JPH1: variants seen among roughly 807,000 people sequenced by gnomAD.
JPH1 encodes junctophilin 1.
Under a neutral mutation model 53.6 loss-of-function variants are expected in JPH1, and 12 were observed. The ratio of observed to expected loss-of-function variants is 0.22; its 90% CI spans 0.14 to 0.36. The LOEUF is 0.36. Ranked by LOEUF, JPH1 falls within the 10% of genes least tolerant of loss-of-function variation. The pLI is 1.00. For synonymous variants in JPH1, 375 were observed against 363.8 expected, an observed-to-expected ratio of 1.03 and a Z score of -0.35; for missense variants, 808 against 905.5, an observed-to-expected ratio of 0.89 and a Z score of 1.38.
intron 2 of JPH1, among the ~76,000 whole-genome samples, chr8:74,313,377 C>T (rs753384007): frequency 1.6e-4 from 25 of 151,886 alleles, no homozygotes; most frequent in African/African-American, 2.4e-5. Context: ...GAGAGAGAGA[C>T]CCTTCATTAA....
At chr8:74,301,030 C>A (rs1807667036) in intron 2 of JPH1, among the ~76,000 whole-genome samples, 1 of 152,140 alleles carries the variant, frequency 6.6e-6, no homozygotes, top group African/African-American at 2.4e-5. Context: ...ATGAATGAAC[C>A]TTTTTCATTA....
In JPH1 at chr8:74,244,743, G is replaced by A. The variant is rs775579120; in HGVS notation, c.1691C>T (p.Pro564Leu). 4 of 1,614,156 alleles carry A rather than the reference G, an allele frequency of 2.5e-6. No individual in the cohort carries two copies. The highest frequency in any genetic ancestry group is 3.4e-6 in the Non-Finnish European group (4 of 1,180,036). ...TCCATCGCCGTCCTCCACGTCTACT[G>A]GAGGGTGCTGGGGGGCGTTCAGCTT... ...YVKLNAPQHP[P>L]VDVEDGDGSS... Residue 564 changes from proline (P) to leucine (L), a missense_variant, in exon 4 of 6, where the codon CCA becomes CTA. Coordinates refer to ENST00000342232, the MANE Select transcript of JPH1 (RefSeq NM_020647.4).
intron 2 of JPH1, among the ~76,000 whole-genome samples, chr8:74,301,823 G>T (rs1807690709): frequency 6.6e-6 from 1 of 152,162 alleles, no homozygotes; most frequent in Non-Finnish European, 1.5e-5. Flanking sequence ...ATTTGTGGCT[G>T]TTGAATGAAC....
chr8:74,296,171 T>C (rs549734412), intron 2 of JPH1, among the ~76,000 whole-genome samples: 115 of 152,234 alleles, frequency 7.6e-4, no homozygotes, highest in Non-Finnish European at 1.5e-3. Context: ...GTATTTGGAG[T>C]GCCTATAATG....
Position 74,259,040 on chromosome 8 carries a change from T to G in JPH1, c.1258+345A>C, listed in dbSNP as rs1174497910. ...AAAATGCAGTCAAAACTTTGTTCCA[T>G]GTGCAAAATTATTAAAAATATACTA... On this transcript the variant is annotated intron_variant, in intron 3 of 5. Coordinates refer to ENST00000342232, the MANE Select transcript of JPH1 (RefSeq NM_020647.4). Among the ~76,000 whole-genome samples, 5 of 152,344 alleles carry G rather than the reference T, an allele frequency of 3.3e-5. No individual in the cohort carries two copies. In the East Asian group the frequency reaches 5.8e-4, roughly 18 times the overall value.
At chr8:74,283,955 T>C (rs1467580461) in intron 2 of JPH1, among the ~76,000 whole-genome samples, 2 of 152,222 alleles carry the variant, frequency 1.3e-5, no homozygotes, top group Non-Finnish European at 2.9e-5. Context: ...ATTTAAAGTC[T>C]GAGACTTTCT....
chr8:74,263,169 C>A (rs1024145018), intron 2 of JPH1, among the ~76,000 whole-genome samples: 7 of 152,210 alleles, frequency 4.6e-5, no homozygotes, highest in Non-Finnish European at 7.3e-5. Context: ...ATCTCTTATA[C>A]ATCTGTGAAC....
intron 2 of JPH1, among the ~76,000 whole-genome samples, chr8:74,288,845 T>C (rs1310016577): frequency 1.3e-5 from 2 of 152,262 alleles, no homozygotes; most frequent in East Asian, 3.8e-4. Flanking sequence ...CTTATGTAAC[T>C]GTAACAGTCT....
At chr8:74,238,423 T>C (rs924407581) in intron 4 of JPH1, among the ~76,000 whole-genome samples, 1 of 152,214 alleles carries the variant, frequency 6.6e-6, no homozygotes, top group Non-Finnish European at 1.5e-5. Context: ...ATCTCCGTGG[T>C]AGAGGTCAGA....
chr8:74,312,538 T>C (rs1036959069), intron 2 of JPH1, among the ~76,000 whole-genome samples: 5 of 152,214 alleles, frequency 3.3e-5, no homozygotes, highest in African/African-American at 4.8e-5. Flanking sequence ...GCATGTACCA[T>C]AGCACCTGAC....
At chr8:74,266,843 G>A (rs898610139) in intron 2 of JPH1, among the ~76,000 whole-genome samples, 2 of 152,168 alleles carry the variant, frequency 1.3e-5, no homozygotes, top group Non-Finnish European at 2.9e-5. Flanking sequence ...GGCATGCTAA[G>A]AATCTAATAG....
Position 74,303,909 on chromosome 8 carries a change from T to C in JPH1, c.1139+10952A>G, listed in dbSNP as rs542002136. On this transcript the variant is annotated intron_variant, in intron 2 of 5. Transcript: ENST00000342232. ...TTGGGATAATGTCCAAACTCCCTCTTATAGGTTCAAGAGACCCTCCTCATC... is the reference window on the plus strand; with the variant it reads ...TTGGGATAATGTCCAAACTCCCTCTCATAGGTTCAAGAGACCCTCCTCATC... Among the ~76,000 whole-genome samples, 227 of 152,286 alleles carry C rather than the reference T, an allele frequency of 1.5e-3. 1 individual carries two copies. The highest frequency in any genetic ancestry group is 5.3e-3 in the African/African-American group (221 of 41,552).
intron 2 of JPH1, among the ~76,000 whole-genome samples, chr8:74,263,623 T>C (rs746590978): frequency 3.6e-4 from 55 of 152,244 alleles, no homozygotes; most frequent in Non-Finnish European, 6.9e-4. Context: ...CTTCGGAGTA[T>C]ATTCCCCCTA....
At chr8:74,274,239 T>C (rs575700836) in intron 2 of JPH1, among the ~76,000 whole-genome samples, 15 of 152,216 alleles carry the variant, frequency 9.9e-5, no homozygotes, top group Admixed American at 6.5e-4. Context: ...CTGGGAGAAA[T>C]GAGCCATGGC....
intron 2 of JPH1, among the ~76,000 whole-genome samples, chr8:74,287,155 G>A (rs1563411680): frequency 6.6e-6 from 1 of 152,154 alleles, no homozygotes; most frequent in Non-Finnish European, 1.5e-5. Context: ...AAGTTGGCTG[G>A]GCACAGTTGC....
At chr8:74,289,449 T>C (rs1343326536) in intron 2 of JPH1, among the ~76,000 whole-genome samples, 1 of 152,158 alleles carries the variant, frequency 6.6e-6, no homozygotes, top group Non-Finnish European at 1.5e-5. Flanking sequence ...AAATGAAAAA[T>C]GTGCAATAAA....
intron 1 of JPH1, among the ~76,000 whole-genome samples, chr8:74,317,179 G>C (rs564910690): frequency 6.6e-6 from 1 of 152,266 alleles, no homozygotes; most frequent in South Asian, 2.1e-4. Flanking sequence ...GCACTTAAAA[G>C]TTAAAACCAT....
chr8:74,274,961 C>T (rs143514209), intron 2 of JPH1, among the ~76,000 whole-genome samples: 3 of 152,130 alleles, frequency 2.0e-5, no homozygotes, highest in African/African-American at 4.8e-5. Flanking sequence ...ACCAAGGTTT[C>T]GGCCTATTTA....
intron 2 of JPH1, among the ~76,000 whole-genome samples, chr8:74,286,451 C>G (rs1807166740): frequency 6.6e-6 from 1 of 152,124 alleles, no homozygotes; most frequent in Non-Finnish European, 1.5e-5. Flanking sequence ...TTCTAGCTAT[C>G]TTAAAAGTAT....
Sources: allele counts gnomAD v4.1 joint callset (sites outside exome capture counted in the v4.1 genomes callset), GRCh38; gene constraint gnomAD v4.1.1; transcripts MANE v1.5; gene names NCBI Gene and HGNC (gene_info 2026-07-23, HGNC 2026-07-21).